The following BEGAIN variants were observed in gnomAD, a reference collection of about 807,000 sequenced individuals.
The protein encoded by BEGAIN is brain-enriched guanylate kinase-associated protein.
Under a neutral mutation model 35.8 loss-of-function variants are expected in BEGAIN, and 19 were observed. The observed-to-expected ratio is 0.53, with a 90% CI of 0.37 to 0.78. The LOEUF (loss-of-function observed/expected upper bound fraction) is 0.78. Among genes scored for constraint, BEGAIN ranks in the 30% least tolerant of loss-of-function variants. The probability of loss-of-function intolerance (pLI) is 0.00; values close to 1 mark genes in which losing one functional copy is unlikely to be tolerated. For synonymous variants in BEGAIN, 462 were observed against 388.6 expected (o/e 1.19, Z -2.22); for missense variants, 795 against 853.6 (o/e 0.93, Z 0.85).
At chr14:100,554,094 G>A (rs1240223225) in intron 2 of BEGAIN, among the ~76,000 whole-genome samples, 1 of 152,210 alleles carries the variant, frequency 6.6e-6, no homozygotes, top group Admixed American at 6.5e-5. Flanking sequence ...TGCCGGGCTG[G>A]GGGAGGACGG....
At position 100,538,394 on chromosome 14, in the gene BEGAIN, C is replaced by G. The variant is rs1476205326; in HGVS notation, c.1414G>C (p.Gly472Arg). ...TCGGCCTTCTTGCCCGGGCTGCCCC[C>G]GGCCCCGCCGTAGTAGCGTTCAGAG... ...SFSERYYGGAGGSPGKKADGR... is the reference protein window; with the variant it reads ...SFSERYYGGARGSPGKKADGR... The change falls in exon 7 of 7, where the codon GGG (glycine) becomes CGG (arginine). Residue 472 changes from glycine (G) to arginine (R), a missense_variant. Coordinates refer to ENST00000554140, the MANE Select transcript of BEGAIN (RefSeq NM_001385089.1). The G allele has an allele frequency of 2.6e-6, 4 of 1,530,152 alleles. No individual in the cohort carries two copies. The highest frequency in any genetic ancestry group is 1.3e-5 in the South Asian group (1 of 79,156). 94.8% of individuals were successfully genotyped at this position (1,530,152 alleles called of 1,614,324 possible). A position where few individuals can be genotyped will look rare whatever the true frequency, so the allele number is the denominator to read the frequency against.
intron 2 of BEGAIN, among the ~76,000 whole-genome samples, chr14:100,566,740 C>T (rs1479475607): frequency 6.6e-6 from 1 of 152,216 alleles, no homozygotes; most frequent in African/African-American, 2.4e-5. Context: ...GATTGAACCA[C>T]CTCAGAGACT....
intron 5 of BEGAIN, among the ~76,000 whole-genome samples, chr14:100,543,085 C>T (rs1448672547): frequency 6.6e-6 from 1 of 152,218 alleles, no homozygotes; most frequent in African/African-American, 2.4e-5. Flanking sequence ...CAATGCTTCT[C>T]CCACGGATGT....
At chr14:100,576,484 C>T (rs570456447) in intron 1 of BEGAIN, among the ~76,000 whole-genome samples, 2 of 152,202 alleles carry the variant, frequency 1.3e-5, no homozygotes, top group Admixed American at 6.5e-5. Context: ...CGTGCTCACC[C>T]GGAATTCATC....
At chr14:100,576,328 GCCCAAC>G (rs2035201332) in intron 1 of BEGAIN, among the ~76,000 whole-genome samples, 1 of 152,176 alleles carries the variant, frequency 6.6e-6, no homozygotes, top group South Asian at 2.1e-4. Context: ...AAGTGCCTGG[GCCCAAC>G]CCGGCTCCTC....
chr14:100,568,601 G>A lies in BEGAIN; in HGVS notation c.43-662C>T. The A allele has an allele frequency of 9.3e-7, 1 of 1,077,058 alleles. No homozygotes were observed. The highest frequency in any genetic ancestry group is 1.2e-6 in the Non-Finnish European group (1 of 821,030). The allele number at this position is 1,077,058 out of a possible 1,614,324, so 66.7% of individuals were successfully genotyped here. ...CGGCGGGGCTCCCTGCCTTGCTTGCGCAGACCCGCCCGCGCGCGGCTTGGA... is the reference window on the plus strand; with the variant it reads ...CGGCGGGGCTCCCTGCCTTGCTTGCACAGACCCGCCCGCGCGCGGCTTGGA... On this transcript the variant is annotated intron_variant, in intron 1 of 6. Transcript: ENST00000554140. This position sits in a 1 kb window ranked among gnomAD's most constrained non-coding sequence, Gnocchi z 7.5.
chr14:100,565,084 G>A (rs765081260), intron 2 of BEGAIN, among the ~76,000 whole-genome samples: 8 of 152,230 alleles, frequency 5.3e-5, no homozygotes, highest in Non-Finnish European at 1.0e-4. Flanking sequence ...TATTCTGTCC[G>A]CTGGCCTAGG....
At chr14:100,570,702 C>G (rs1385863939) in intron 1 of BEGAIN, among the ~76,000 whole-genome samples, 2 of 152,234 alleles carry the variant, frequency 1.3e-5, no homozygotes, top group African/African-American at 4.8e-5. Context: ...AGCAGGGAAG[C>G]TCCCCTGGCC....
intron 5 of BEGAIN, 54 bp from the exon 6 acceptor site, chr14:100,540,633 G>T: frequency 7.2e-7 from 1 of 1,396,756 alleles, no homozygotes. Context: ...AGGCCCCGCC[G>T]CCCTGACCAG....
Position 100,540,536 on chromosome 14 carries a change from T to G in BEGAIN, c.452A>C (p.Gln151Pro), listed in dbSNP as rs1489185996. 1.2e-6 allele frequency: 2 copies of G among 1,608,116 alleles called. No homozygotes were observed. Among genetic ancestry groups the G allele is most frequent in the Admixed American group, 3.4e-5 (2 of 59,544 alleles). Residue 151 changes from glutamine (Q) to proline (P), a missense_variant, in exon 6 of 7, where the codon CAG becomes CCG. Transcript: ENST00000554140. ...KDCNLAAQLL[Q>P]CSQTYGRVHK... ...GACCCTGCCGTAGGTCTGGCTGCAC[T>G]GCAGCAGCTGGGCCGCTAGATTGCA...
At position 100,539,084 on chromosome 14, in the gene BEGAIN, T is replaced by C. The variant is rs2031129809; in HGVS notation, c.724A>G (p.Lys242Glu). 6.2e-7 allele frequency: 1 copy of C among 1,611,694 alleles called. No homozygotes were observed. The highest frequency in any genetic ancestry group is 1.1e-5 in the South Asian group (1 of 91,002). Residue 242 changes from lysine (K) to glutamate (E), a missense_variant, in exon 7 of 7, where the codon AAG (lysine) becomes GAG (glutamate). By Grantham distance (56) the Lys-to-Glu change is moderately conservative (BLOSUM62 1). Transcript: ENST00000554140. ...GTGTCACTGCAGTAGATGTCTCCCTTGTAGGGGGGCCGCGGGCCTGGTTTC... is the reference window on the plus strand; with the variant it reads ...GTGTCACTGCAGTAGATGTCTCCCTCGTAGGGGGGCCGCGGGCCTGGTTTC... ...VEKPGPRPPY[K>E]GDIYCSDTAL...
rs1382213223 is a variant in BEGAIN, at chr14:100,558,918, A to G, written c.71+8993T>C. Among the ~76,000 whole-genome samples the G allele has an allele frequency of 2.0e-5, 3 of 151,972 alleles. No homozygotes were observed. The highest frequency in any genetic ancestry group is 6.5e-5 in the Admixed American group (1 of 15,274). On this transcript the variant is annotated intron_variant, in intron 2 of 6. Coordinates refer to ENST00000554140, the MANE Select transcript of BEGAIN (RefSeq NM_001385089.1). The surrounding 1 kb of genome is among the most constrained non-coding windows in gnomAD (Gnocchi z 4.6). The stretch of plus-strand genomic sequence containing the variant: ...ATCGTGTGCAGGACACACAGCTGGG[A>G]GCATGCCGGTGGGGCCAGGGCGCGT...
At position 100,563,534 on chromosome 14, in the gene BEGAIN, T is replaced by A. The variant is rs917535117; in HGVS notation, c.71+4377A>T. 1.3e-5 allele frequency among the ~76,000 whole-genome samples: 2 copies of A among 152,174 alleles called. No individual in the cohort carries two copies. The highest frequency in any genetic ancestry group is 2.9e-5 in the Non-Finnish European group (2 of 68,036). The stretch of plus-strand genomic sequence containing the variant: ...CCCACAAATCAATGGGAAAAACACC[T>A]TGGTAGAAAATGCGCACGGCCTTCG... On this transcript the variant is annotated intron_variant, in intron 2 of 6. Transcript: ENST00000554140. This position sits in a 1 kb window ranked among gnomAD's most constrained non-coding sequence, Gnocchi z 4.2.
intron 1 of BEGAIN, among the ~76,000 whole-genome samples, chr14:100,585,245 C>CA (rs2035412148): frequency 7.8e-6 from 1 of 127,826 alleles, no homozygotes; most frequent in Admixed American, 7.7e-5. Context: ...CCCTCCCTCC[C>CA]TCCCTCCCAT....
intron 1 of BEGAIN, among the ~76,000 whole-genome samples, chr14:100,584,211 C>T (rs1419846965): frequency 6.6e-6 from 1 of 152,230 alleles, no homozygotes; most frequent in Non-Finnish European, 1.5e-5. Flanking sequence ...CCATCTCCAT[C>T]CCTGACTTGG....
chr14:100,562,159 G>A (rs923502443), intron 2 of BEGAIN, among the ~76,000 whole-genome samples: 1 of 152,122 alleles, frequency 6.6e-6, no homozygotes, highest in Non-Finnish European at 1.5e-5. Flanking sequence ...GGGTGGGTTG[G>A]AGGAGACAAG....
chr14:100,544,783 G>A (rs1595112103), intron 4 of BEGAIN, among the ~76,000 whole-genome samples: 1 of 152,106 alleles, frequency 6.6e-6, no homozygotes, highest in East Asian at 1.9e-4. Flanking sequence ...AGGCTGGAGT[G>A]CTCGCACCCG....
chr14:100,541,267 C>T (rs142636792), intron 5 of BEGAIN, among the ~76,000 whole-genome samples: 8 of 152,362 alleles, frequency 5.3e-5, no homozygotes, highest in East Asian at 3.9e-4. Flanking sequence ...CCCGCCCCTC[C>T]GGGGTCCCCA....
chr14:100,565,256 T>G (rs979225000), intron 2 of BEGAIN, among the ~76,000 whole-genome samples: 1 of 152,090 alleles, frequency 6.6e-6, no homozygotes. Flanking sequence ...GTTTGTCATG[T>G]GGACAAGAAG....
Sources: gnomAD v4.1 joint callset for allele counts (sites outside exome capture counted in the v4.1 genomes callset) on GRCh38, gnomAD v4.1.1 for gene constraint, Gnocchi (gnomAD v3.1) non-coding constraint, MANE v1.5 for transcripts, NCBI Gene and HGNC (gene_info 2026-07-23, HGNC 2026-07-21) for gene names.